The following KNL1 variants were observed in gnomAD, a reference collection of about 807,000 sequenced individuals.
KNL1 encodes kinetochore scaffold 1, also known as outer kinetochore KNL1 complex subunit KNL1.
In KNL1, 66 loss-of-function variants were observed where a neutral mutation model predicts 201.3. That is an observed-to-expected ratio of 0.33 (90% CI 0.27 to 0.40). KNL1 has a LOEUF of 0.40. Ranked by LOEUF, KNL1 falls within the 10% of genes least tolerant of loss-of-function variation. The pLI is 1.00. For synonymous variants in KNL1, 895 were observed against 899.2 expected, an observed-to-expected ratio of 1.00 and a Z score of 0.08; for missense variants, 2,815 against 2,690.5, an observed-to-expected ratio of 1.05 and a Z score of -1.02.
In KNL1 at chr15:40,622,551, G is replaced by T. The variant is rs775648317; in HGVS notation, c.2287G>T (p.Asp763Tyr). 1.1e-5 allele frequency: 18 copies of T among 1,613,672 alleles called. No homozygotes were observed. The highest frequency in any genetic ancestry group is 1.5e-5 in the Non-Finnish European group (18 of 1,179,872). The change falls in exon 10 of 26, where the codon GAT becomes TAT. Residue 763 changes from aspartate to tyrosine, a missense_variant. This residue lies in a region of KNL1 where 2,464 missense variants were observed against 2,291.7 expected (regional missense o/e 1.08). Transcript: ENST00000399668. ...ATGTTCAGAGGAAGAGCAAAATATG[G>T]ATCTAACAAAGAGCCACACTGTCGT... Reference protein sequence around the residue: ...IICSEEEQNMDLTKSHTVVIG... With the variant: ...IICSEEEQNMYLTKSHTVVIG...
At chr15:40,647,357 C>T (rs1008442273) in intron 17 of KNL1, among the ~76,000 whole-genome samples, 3 of 151,974 alleles carry the variant, frequency 2.0e-5, no homozygotes, top group Non-Finnish European at 2.9e-5. Context: ...CGCCTGTACT[C>T]CAGCTACTCG....
chr15:40,659,263 CAAAAAAA>C, intron 24 of KNL1, 69 bp from the exon 25 acceptor site: 1 of 1,045,694 alleles, frequency 9.6e-7, no homozygotes. Flanking sequence ...GACTCCGTCT[CAAAAAAA>C]AAAAAAAAGA....
intron 25 of KNL1, among the ~76,000 whole-genome samples, chr15:40,661,450 C>T (rs1567025215): frequency 6.6e-6 from 1 of 152,056 alleles, no homozygotes; most frequent in East Asian, 1.9e-4. Context: ...CTAGATTGTG[C>T]CACTAACTGC....
Position 40,625,239 on chromosome 15 carries a change from A to T in KNL1, c.4975A>T (p.Asn1659Tyr). The change falls in exon 10 of 26, where the codon AAC becomes TAC. Residue 1659 changes from asparagine (N) to tyrosine (Y), a missense_variant. Coordinates refer to ENST00000399668, the MANE Select transcript of KNL1 (RefSeq NM_144508.5). ...SLGIFLPRLPNKRNCSVTGID... is the reference protein window; with the variant it reads ...SLGIFLPRLPYKRNCSVTGID... ...GGGAATCTTTTTGCCTAGATTGCCCAACAAGAGAAATTGTAGTGTCACTGG... is the reference window on the plus strand; with the variant it reads ...GGGAATCTTTTTGCCTAGATTGCCCTACAAGAGAAATTGTAGTGTCACTGG... 6.2e-7 allele frequency: 1 copy of T among 1,614,078 alleles called. No individual in the cohort carries two copies. Among genetic ancestry groups the T allele is most frequent in the Non-Finnish European group, 8.5e-7 (1 of 1,179,942 alleles).
rs1892527023 is a variant in KNL1, at chr15:40,621,522, C to G, written c.1258C>G (p.Pro420Ala). The G allele has an allele frequency of 6.2e-7, 1 of 1,613,364 alleles. No individual in the cohort carries two copies. Among genetic ancestry groups the G allele is most frequent in the African/African-American group, 1.3e-5 (1 of 74,888 alleles). Reference sequence around the variant, plus strand: ...GACCCCAGAATCTATATATTCTAATCCATCTATTCAAGGTTGTAAGACTGT... The same window carrying G: ...GACCCCAGAATCTATATATTCTAATGCATCTATTCAAGGTTGTAAGACTGT... ...AMTPESIYSN[P>A]SIQGCKTVFY... The change falls in exon 10 of 26, where the codon CCA (proline) becomes GCA (alanine). Residue 420 changes from proline to alanine, a missense_variant. Around this residue, in one of 3 missense-constraint regions of KNL1, gnomAD observed 2,464 missense variants for 2,291.7 expected, o/e 1.08. Coordinates refer to ENST00000399668, the MANE Select transcript of KNL1 (RefSeq NM_144508.5).
At position 40,623,652 on chromosome 15, in the gene KNL1, A is replaced by G. The variant is rs1038086807; in HGVS notation, c.3388A>G (p.Arg1130Gly). Residue 1130 changes from arginine to glycine, a missense_variant, in exon 10 of 26, where the codon AGG (arginine) becomes GGG (glycine). This residue lies in a region of KNL1 where 2,464 missense variants were observed against 2,291.7 expected (regional missense o/e 1.08). Transcript: ENST00000399668. ...TGGGCAGGATGACATGGAGATCACT[A>G]GGAGTCACACAACTGCCTTAGAATG... is the stretch of plus-strand genomic sequence containing the variant. ...SCGQDDMEIT[R>G]SHTTALECKT... 8.1e-6 allele frequency: 13 copies of G among 1,613,788 alleles called. No homozygotes were observed. The highest frequency in any genetic ancestry group is 1.0e-5 in the Non-Finnish European group (12 of 1,179,900).
intron 17 of KNL1, among the ~76,000 whole-genome samples, chr15:40,648,996 AT>A (rs370353042): frequency 6.3e-4 from 90 of 142,726 alleles, no homozygotes; most frequent in Admixed American, 8.4e-4. Flanking sequence ...GGCCCTGCTA[AT>A]TTTTTTTTTT....
In KNL1 at chr15:40,645,798, GAA is replaced by G. The variant is rs1893366302; in HGVS notation, c.6006+28_6006+29del. The stretch of plus-strand genomic sequence containing the variant: ...GTAATTTGAGACAGTTAATATCATA[GAA>G]AGAGAGAGATATTAAAATTACTTTC... On this transcript the variant is annotated intron_variant, in intron 16 of 25. Coordinates refer to ENST00000399668, the MANE Select transcript of KNL1 (RefSeq NM_144508.5). 6 of 1,115,846 alleles carry G rather than the reference GAA, an allele frequency of 5.4e-6. No homozygotes were observed. In the African/African-American group the frequency reaches 1.0e-4, roughly 19 times the overall value. The allele number at this position is 1,115,846 out of a possible 1,614,324, so 69.1% of individuals were successfully genotyped here.
In KNL1 at chr15:40,622,612, G is replaced by T; in HGVS notation, c.2348G>T (p.Gly783Val). 6.2e-7 allele frequency: 1 copy of T among 1,604,824 alleles called. No individual in the cohort carries two copies. Reference protein sequence around the residue: ...GFGPSELQELGKTNLEHTTGQ... With the variant: ...GFGPSELQELVKTNLEHTTGQ... ...GGTCCTTCTGAACTACAAGAACTTGGTAAAACTAATTTAGAACACACTACT... is the reference window on the plus strand; with the variant it reads ...GGTCCTTCTGAACTACAAGAACTTGTTAAAACTAATTTAGAACACACTACT... The change falls in exon 10 of 26, where the codon GGT becomes GTT. Residue 783 changes from glycine (G) to valine (V), a missense_variant. Gly to Val is a moderately radical substitution (Grantham distance 109, BLOSUM62 -3). This residue lies in a region of KNL1 where 2,464 missense variants were observed against 2,291.7 expected (regional missense o/e 1.08). Coordinates refer to ENST00000399668, the MANE Select transcript of KNL1 (RefSeq NM_144508.5).
At chr15:40,658,385 C>T (rs546672612) in intron 24 of KNL1, among the ~76,000 whole-genome samples, 39 of 151,072 alleles carry the variant, frequency 2.6e-4, no homozygotes, top group South Asian at 2.5e-3. Context: ...AAAAATTAGC[C>T]GGGCACGGTG....
At chr15:40,607,960 G>T (rs902955116) in intron 4 of KNL1, among the ~76,000 whole-genome samples, 4 of 151,988 alleles carry the variant, frequency 2.6e-5, no homozygotes, top group African/African-American at 9.7e-5. Context: ...ATATCCAAAA[G>T]AATTGAAAGG....
chr15:40,645,592 A>G, intron 15 of KNL1, 64 bp from the exon 16 acceptor site: 2 of 807,738 alleles, frequency 2.5e-6, no homozygotes, highest in South Asian at 2.2e-5. Context: ...TAGCCTTCCT[A>G]GACCATTTAC....
intron 19 of KNL1, 30 bp from the exon 20 acceptor site, chr15:40,651,441 A>C (rs746454455): frequency 2.0e-6 from 3 of 1,481,686 alleles, no homozygotes; most frequent in South Asian, 2.5e-5. Context: ...CAAAAACCTT[A>C]TCTCTCTGAA....
At chr15:40,619,505 G>T (rs577437136) in intron 9 of KNL1, among the ~76,000 whole-genome samples, 2 of 152,146 alleles carry the variant, frequency 1.3e-5, no homozygotes, top group South Asian at 4.2e-4. Context: ...GGGCTGAAGC[G>T]ATCCTCCCAC....
chr15:40,647,504 A>G (rs1218807436), intron 17 of KNL1, among the ~76,000 whole-genome samples: 1 of 152,016 alleles, frequency 6.6e-6, no homozygotes, highest in East Asian at 1.9e-4. Context: ...AAATAAATAA[A>G]TAAATTAGAG....
chr15:40,657,555 T>C, intron 24 of KNL1, 82 bp downstream of exon 24: 1 of 751,874 alleles, frequency 1.3e-6, no homozygotes. Flanking sequence ...GCTGGAGGTC[T>C]GAGATTAAGG....
At position 40,645,044 on chromosome 15, in the gene KNL1, A is replaced by G; in HGVS notation, c.5846A>G (p.Asn1949Ser). The G allele has an allele frequency of 1.9e-6, 3 of 1,612,548 alleles. No homozygotes were observed. The highest frequency in any genetic ancestry group is 2.5e-6 in the Non-Finnish European group (3 of 1,179,130). The part of the protein sequence containing the change: ...SNQDKLLVDI[N>S]KNLWEKMRHC... ...CAAGATAAGCTGTTGGTTGATATAA[A>G]TAAGAACCTGTGGGAAAAAATGAGA... Residue 1949 changes from asparagine to serine, a missense_variant, in exon 15 of 26, where the codon AAT (asparagine) becomes AGT (serine). Coordinates refer to ENST00000399668, the MANE Select transcript of KNL1 (RefSeq NM_144508.5).
rs1313880782 is a variant in KNL1, at chr15:40,653,414, ACTC to A, written c.6415+1312_6415+1314del. ...ATATGTGTTGTCCAGGCTGGTCTCAACTCCTGGCCTCAAGCGATTTGCCCACCT... is the reference window on the plus strand; with the variant it reads ...ATATGTGTTGTCCAGGCTGGTCTCAACTGGCCTCAAGCGATTTGCCCACCT... On this transcript the variant is annotated intron_variant, in intron 21 of 25. Coordinates refer to ENST00000399668, the MANE Select transcript of KNL1 (RefSeq NM_144508.5). 5.3e-5 allele frequency among the ~76,000 whole-genome samples: 8 copies of A among 151,298 alleles called. No individual in the cohort carries two copies. The South Asian group carries it at 8.4e-4, about 16-fold the overall frequency.
intron 21 of KNL1, among the ~76,000 whole-genome samples, chr15:40,652,916 C>G (rs576425693): frequency 3.3e-5 from 5 of 152,184 alleles, no homozygotes; most frequent in Non-Finnish European, 5.9e-5. Context: ...TTGGAGTTTA[C>G]TAGTTGTCAG....
Sources: gnomAD v4.1 joint callset for allele counts (sites outside exome capture counted in the v4.1 genomes callset) on GRCh38, gnomAD v4.1.1 for gene constraint, gnomAD v4.1.1 regional missense constraint, MANE v1.5 for transcripts, NCBI Gene and HGNC (gene_info 2026-07-23, HGNC 2026-07-21) for gene names.